Variants in GRIN2B observed in about 807,000 individuals in gnomAD.
GRIN2B encodes glutamate ionotropic receptor NMDA type subunit 2B.
A neutral mutation model predicts 114.5 loss-of-function variants in GRIN2B; 5 were observed. The ratio of observed to expected loss-of-function variants is 0.04; its 90% CI spans 0.02 to 0.09. GRIN2B has a LOEUF of 0.09. Ranked by LOEUF, GRIN2B falls within the 10% of genes least tolerant of loss-of-function variation. The probability of loss-of-function intolerance (pLI) is 1.00; values close to 1 mark genes in which losing one functional copy is unlikely to be tolerated. For synonymous variants in GRIN2B, 787 were observed against 745.1 expected (o/e 1.06, Z -0.92); for missense variants, 1,108 against 1,943.5 (o/e 0.57, Z 8.08).
chr12:13,631,059 C>G (rs371518461), intron 5 of GRIN2B, among the ~76,000 whole-genome samples: 24 of 152,106 alleles, frequency 1.6e-4, no homozygotes, highest in Admixed American at 7.2e-4. Context: ...ATCATGAGAA[C>G]AGCATGGGAA....
intron 2 of GRIN2B, among the ~76,000 whole-genome samples, chr12:13,903,241 T>A (rs1198041432): frequency 6.6e-6 from 1 of 152,176 alleles, no homozygotes; most frequent in Non-Finnish European, 1.5e-5. Flanking sequence ...CTTTTATTCT[T>A]ACTCTCATCT....
chr12:13,728,556 AGAAAGGATG>A (rs1863031608), intron 4 of GRIN2B, among the ~76,000 whole-genome samples: 1 of 152,098 alleles, frequency 6.6e-6, no homozygotes, highest in Non-Finnish European at 1.5e-5. Context: ...ACTGGAAGAG[AGAAAGGATG>A]GAGAAAAAGG....
chr12:13,853,497 G>T (rs1865607427), intron 3 of GRIN2B, among the ~76,000 whole-genome samples: 1 of 152,178 alleles, frequency 6.6e-6, no homozygotes, highest in Admixed American at 6.5e-5. Flanking sequence ...TCTTTTGAAA[G>T]AGCGCTAATA....
chr12:13,720,309 A>T (rs1401568657), intron 4 of GRIN2B, among the ~76,000 whole-genome samples: 1 of 151,964 alleles, frequency 6.6e-6, no homozygotes, highest in African/African-American at 2.4e-5. Flanking sequence ...TGCCCTTTCT[A>T]GCATTGTGTC....
At chr12:13,630,521 G>C (rs1032192678) in intron 5 of GRIN2B, among the ~76,000 whole-genome samples, 26 of 152,256 alleles carry the variant, frequency 1.7e-4, no homozygotes, top group African/African-American at 5.8e-4. Flanking sequence ...AGTGGGTCTT[G>C]TCTTGTCCTC....
chr12:13,604,578 T>C (rs554829551), intron 10 of GRIN2B, among the ~76,000 whole-genome samples: 5 of 152,330 alleles, frequency 3.3e-5, no homozygotes, highest in East Asian at 1.9e-4. Context: ...TCTAATCACA[T>C]TGGAAAATAA....
chr12:13,755,327 G>GA (rs1160395591), intron 3 of GRIN2B, among the ~76,000 whole-genome samples: 1 of 152,172 alleles, frequency 6.6e-6, no homozygotes, highest in Non-Finnish European at 1.5e-5. Context: ...CAAAAATCCT[G>GA]ATTCGGCAAT....
intron 3 of GRIN2B, among the ~76,000 whole-genome samples, chr12:13,755,733 G>A (rs1405586431): frequency 3.3e-5 from 5 of 152,218 alleles, no homozygotes; most frequent in African/African-American, 4.8e-5. Flanking sequence ...AAATAACACA[G>A]TGGGACTTTG....
chr12:13,779,764 C>T (rs1416347892), intron 3 of GRIN2B, among the ~76,000 whole-genome samples: 2 of 152,146 alleles, frequency 1.3e-5, no homozygotes, highest in Non-Finnish European at 2.9e-5. Flanking sequence ...GCCAAACGAC[C>T]TAGTCCAGCT....
At chr12:13,820,543 A>G (rs1864914635) in intron 3 of GRIN2B, among the ~76,000 whole-genome samples, 1 of 152,156 alleles carries the variant, frequency 6.6e-6, no homozygotes, top group Non-Finnish European at 1.5e-5. Flanking sequence ...ATAGTACTCA[A>G]TTCATTCTAA....
intron 2 of GRIN2B, among the ~76,000 whole-genome samples, chr12:13,913,532 GCCTCTGGTTCAA>G (rs1266409541): frequency 6.6e-6 from 1 of 152,182 alleles, no homozygotes; most frequent in Non-Finnish European, 1.5e-5. Context: ...ATCCCTCTGG[GCCTCTGGTTCAA>G]CCTCTGAAAA....
Position 13,948,566 on chromosome 12 carries a change from G to A in GRIN2B, c.-19+31362C>T, listed in dbSNP as rs573872793. 3.5e-4 allele frequency among the ~76,000 whole-genome samples: 53 copies of A among 152,148 alleles called. 1 individual carries two copies. The South Asian group carries it at 0.011, about 30-fold the overall frequency. ...CAAAGATTTCAACACGGTTGGTGGT[G>A]GCAGAGCCAACACTGGTGACTTAAC... On this transcript the variant is annotated intron_variant, in intron 2 of 13. Transcript: ENST00000609686.
chr12:13,687,826 T>C (rs1187250147), intron 4 of GRIN2B, among the ~76,000 whole-genome samples: 7 of 152,232 alleles, frequency 4.6e-5, no homozygotes, highest in Non-Finnish European at 1.0e-4. Context: ...GTACAAAATA[T>C]GCTGACTGAC....
At chr12:13,571,128 G>C (rs1948702659) in intron 11 of GRIN2B, among the ~76,000 whole-genome samples, 1 of 152,188 alleles carries the variant, frequency 6.6e-6, no homozygotes, top group South Asian at 2.1e-4. Flanking sequence ...TCCAAGTGCT[G>C]TTAGTCATCA....
intron 3 of GRIN2B, among the ~76,000 whole-genome samples, chr12:13,764,434 G>A (rs1017066420): frequency 2.0e-5 from 3 of 152,070 alleles, no homozygotes; most frequent in South Asian, 4.2e-4. Context: ...AGACCCCAAC[G>A]GAATGCTCTA....
intron 3 of GRIN2B, among the ~76,000 whole-genome samples, chr12:13,759,156 C>T (rs1209666692): frequency 6.6e-6 from 1 of 151,658 alleles, no homozygotes; most frequent in Non-Finnish European, 1.5e-5. Flanking sequence ...TACAGATGCG[C>T]ACCACCACAC....
chr12:13,851,426 C>A (rs902686192), intron 3 of GRIN2B, among the ~76,000 whole-genome samples: 1 of 152,142 alleles, frequency 6.6e-6, no homozygotes, highest in African/African-American at 2.4e-5. Flanking sequence ...AGAAATCTCA[C>A]CAAATAGAGC....
intron 12 of GRIN2B, 74 bp from the exon 13 acceptor site, chr12:13,567,337 G>C: frequency 9.8e-7 from 1 of 1,019,756 alleles, no homozygotes; most frequent in Non-Finnish European, 1.5e-6. Flanking sequence ...GGAGAAAGAG[G>C]AGTATTGAGC....
intron 2 of GRIN2B, among the ~76,000 whole-genome samples, chr12:13,888,425 A>C (rs1415299282): frequency 9.6e-6 from 1 of 104,430 alleles, no homozygotes; most frequent in Non-Finnish European, 1.9e-5. Flanking sequence ...GTATAAATAC[A>C]GCATAAAAGA....
Sources: allele counts gnomAD v4.1 joint callset (sites outside exome capture counted in the v4.1 genomes callset), GRCh38; gene constraint gnomAD v4.1.1; transcripts MANE v1.5; gene names NCBI Gene and HGNC (gene_info 2026-07-23, HGNC 2026-07-21).